The following BIRC6 variants were observed in gnomAD, a reference collection of about 807,000 sequenced individuals.
BIRC6 encodes the protein dual E2 ubiquitin-conjugating enzyme/E3 ubiquitin-protein ligase BIRC6.
A neutral mutation model predicts 503.3 loss-of-function variants in BIRC6; 98 were observed. That is an observed-to-expected ratio of 0.19 (90% CI 0.17 to 0.23). The LOEUF (loss-of-function observed/expected upper bound fraction) is 0.23, where lower values mean the gene tolerates loss of function less well. BIRC6 is among the 10% of genes least tolerant of loss of function. The pLI, the probability that BIRC6 is intolerant of heterozygous loss-of-function variation, is 1.00. For synonymous variants in BIRC6, 2,240 were observed against 2,078.7 expected, an observed-to-expected ratio of 1.08 and a Z score of -2.11; for missense variants, 5,360 against 5,806.0, an observed-to-expected ratio of 0.92 and a Z score of 2.50.
chr2:32,410,942 C>T (rs1381101824), intron 9 of BIRC6, among the ~76,000 whole-genome samples: 1 of 152,084 alleles, frequency 6.6e-6, no homozygotes, highest in Non-Finnish European at 1.5e-5. Context: ...CCTTGTGATC[C>T]ACCCTCCTCG....
intron 50 of BIRC6, among the ~76,000 whole-genome samples, chr2:32,507,183 A>G (rs1335032765): frequency 6.6e-6 from 1 of 152,222 alleles, no homozygotes; most frequent in African/African-American, 2.4e-5. Context: ...TAATCCCAGC[A>G]CTTTGGGAGG....
chr2:32,469,559 A>T lies in BIRC6; in HGVS notation c.6292A>T (p.Asn2098Tyr). ...AAGGTGGTGGGGTCAATTTCTTTCT[A>T]ATGTCCTTCAGGAATTGTACAATTC... Reference protein sequence around the residue: ...GERWWGQFLSNVLQELYNSEQ... With the variant: ...GERWWGQFLSYVLQELYNSEQ... Residue 2098 changes from asparagine to tyrosine, a missense_variant, in exon 30 of 74, where the codon AAT becomes TAT. Coordinates refer to ENST00000421745, the MANE Select transcript of BIRC6 (RefSeq NM_016252.4). 6.2e-7 allele frequency: 1 copy of T among 1,613,868 alleles called. No homozygotes were observed. Among genetic ancestry groups the T allele is most frequent in the Non-Finnish European group, 8.5e-7 (1 of 1,179,818 alleles).
chr2:32,444,440 T>A (rs2045750723), intron 20 of BIRC6, among the ~76,000 whole-genome samples: 1 of 152,244 alleles, frequency 6.6e-6, no homozygotes, highest in African/African-American at 2.4e-5. Flanking sequence ...AGCAGTTCTC[T>A]AAAATAGCAC....
At chr2:32,488,823 T>TG in intron 42 of BIRC6, 109 bp downstream of exon 42, 1 of 800,284 alleles carries the variant, frequency 1.2e-6, no homozygotes, top group South Asian at 2.9e-5. Context: ...AACATTCTAG[T>TG]GGGGAAAAAA....
At chr2:32,611,108 C>CTTTTTTTTTTTTTTTTTTTTTTTTTTT (rs1245765148) in intron 72 of BIRC6, among the ~76,000 whole-genome samples, 15 of 126,160 alleles carry the variant, frequency 1.2e-4, no homozygotes, top group Admixed American at 8.3e-4. Context: ...ATTAAATTGC[C>CTTTTTTTTTTTTTTTTTTTTTTTTTTT]TTTTTTTTTT....
At chr2:32,396,650 A>G (rs2039925741) in intron 6 of BIRC6, among the ~76,000 whole-genome samples, 1 of 152,210 alleles carries the variant, frequency 6.6e-6, no homozygotes, top group South Asian at 2.1e-4. Flanking sequence ...TTCCCTATAC[A>G]TCCATAACCT....
At chr2:32,417,913 G>A (rs1277447678) in intron 10 of BIRC6, among the ~76,000 whole-genome samples, 1 of 152,092 alleles carries the variant, frequency 6.6e-6, no homozygotes, top group South Asian at 2.1e-4. Flanking sequence ...CTGAGTAGCT[G>A]GGACCACAGG....
chr2:32,485,627 C>T lies in BIRC6; in HGVS notation c.7697-16C>T. ...AATTGTCAATGTTTTCTTTTTCTTTCAATTGCTTTTTGTAGCCCTGGATGC... is the reference window on the plus strand; with the variant it reads ...AATTGTCAATGTTTTCTTTTTCTTTTAATTGCTTTTTGTAGCCCTGGATGC... On this transcript the variant is annotated splice_polypyrimidine_tract_variant and intron_variant, in intron 39 of 73. Transcript: ENST00000421745. 6.5e-7 allele frequency: 1 copy of T among 1,546,712 alleles called. No homozygotes were observed. The highest frequency in any genetic ancestry group is 1.4e-5 in the African/African-American group (1 of 73,138).
rs1188648035 is a variant in BIRC6, at chr2:32,430,360, G to A, written c.3023-505G>A. Among the ~76,000 whole-genome samples the A allele has an allele frequency of 2.0e-5, 3 of 152,044 alleles. No individual in the cohort carries two copies. The East Asian group carries it at 5.8e-4, about 29-fold the overall frequency. ...ATGCAAGATTTTCTTAACTGCCACA[G>A]AAATAGAAAAAACAATTTAATTTTT... On this transcript the variant is annotated intron_variant, in intron 11 of 73. Coordinates refer to ENST00000421745, the MANE Select transcript of BIRC6 (RefSeq NM_016252.4).
At chr2:32,574,160 CTTTTT>C (rs1055060322) in intron 65 of BIRC6, among the ~76,000 whole-genome samples, 3 of 124,676 alleles carry the variant, frequency 2.4e-5, no homozygotes, top group Non-Finnish European at 1.7e-5. Context: ...ATAACTTTTT[CTTTTT>C]TTTTTTTTTT....
At chr2:32,533,950 G>A (rs1415309024) in intron 61 of BIRC6, among the ~76,000 whole-genome samples, 1 of 152,188 alleles carries the variant, frequency 6.6e-6, no homozygotes, top group African/African-American at 2.4e-5. Context: ...AGTTTGGTCT[G>A]TAGTTGTAAT....
chr2:32,507,009 G>A (rs2053868938), intron 50 of BIRC6, among the ~76,000 whole-genome samples: 1 of 151,992 alleles, frequency 6.6e-6, no homozygotes, highest in Admixed American at 6.6e-5. Context: ...AGTTTTAGTT[G>A]ACATATTTAT....
At chr2:32,496,862 G>A (rs558568566) in intron 45 of BIRC6, among the ~76,000 whole-genome samples, 2 of 152,206 alleles carry the variant, frequency 1.3e-5, no homozygotes, top group South Asian at 2.1e-4. Context: ...ATGTCTCATG[G>A]GTTCCCCTCC....
intron 66 of BIRC6, among the ~76,000 whole-genome samples, chr2:32,588,465 T>C (rs187768678): frequency 7.9e-5 from 12 of 152,304 alleles, no homozygotes; most frequent in Admixed American, 7.8e-4. Context: ...ATTAGGGCAA[T>C]GTCTTGGTGA....
At chr2:32,565,143 A>G (rs991812594) in intron 65 of BIRC6, 2 of 152,232 alleles carry the variant, frequency 1.3e-5, no homozygotes, top group African/African-American at 4.8e-5. Flanking sequence ...TGCTAGCAAG[A>G]AAAATTGAGT....
chr2:32,370,131 T>C (rs527965279), intron 1 of BIRC6, among the ~76,000 whole-genome samples: 1 of 150,966 alleles, frequency 6.6e-6, no homozygotes, highest in East Asian at 2.0e-4. Flanking sequence ...TAATATAACT[T>C]ATGTGTCCCA....
chr2:32,425,264 C>T lies in BIRC6; in HGVS notation c.2873-3882C>T, dbSNP rs191474917. Among the ~76,000 whole-genome samples, 167 of 152,054 alleles carry T rather than the reference C, an allele frequency of 1.1e-3. 2 individuals carry two copies. The East Asian group carries it at 0.029, about 26-fold the overall frequency. ...AAAACATTGGCATTTTGAAAAAGTC[C>T]AGTTTATCTTTTTGTTGATAATCTT... is the stretch of plus-strand genomic sequence containing the variant. On this transcript the variant is annotated intron_variant, in intron 10 of 73. Coordinates refer to ENST00000421745, the MANE Select transcript of BIRC6 (RefSeq NM_016252.4).
chr2:32,378,045 T>G (rs1459415475), intron 2 of BIRC6, among the ~76,000 whole-genome samples: 2 of 152,176 alleles, frequency 1.3e-5, no homozygotes, highest in East Asian at 1.9e-4. Context: ...TTAAACAGGA[T>G]AGCTTGTTTC....
At chr2:32,427,577 C>A (rs942303222) in intron 10 of BIRC6, among the ~76,000 whole-genome samples, 10 of 152,208 alleles carry the variant, frequency 6.6e-5, no homozygotes, top group Non-Finnish European at 1.3e-4. Flanking sequence ...TGAGCCACTG[C>A]TCCTGGCCTT....
Sources: gnomAD v4.1 joint callset for allele counts (sites outside exome capture counted in the v4.1 genomes callset) on GRCh38, gnomAD v4.1.1 for gene constraint, MANE v1.5 for transcripts, NCBI Gene and HGNC (gene_info 2026-07-23, HGNC 2026-07-21) for gene names.